SHC3: variants seen among roughly 807,000 people sequenced by gnomAD.
SHC3 encodes SHC adaptor protein 3.
Under a neutral mutation model 60.4 loss-of-function variants are expected in SHC3, and 15 were observed. The ratio of observed to expected loss-of-function variants is 0.25; its 90% CI spans 0.17 to 0.38. SHC3 has a LOEUF of 0.38. Among genes scored for constraint, SHC3 ranks in the 10% least tolerant of loss-of-function variants. SHC3 has a pLI of 1.00. For synonymous variants in SHC3, 294 were observed against 325.9 expected (o/e 0.90, Z 1.05); for missense variants, 677 against 786.1 (o/e 0.86, Z 1.66).
chr9:89,145,574 G>A (rs959535430), intron 1 of SHC3, among the ~76,000 whole-genome samples: 10 of 152,152 alleles, frequency 6.6e-5, no homozygotes, highest in African/African-American at 1.9e-4. Flanking sequence ...CGGCTGTTCC[G>A]GTGTCCATCA....
At chr9:89,085,985 C>T (rs549805451) in intron 2 of SHC3, among the ~76,000 whole-genome samples, 75 of 152,324 alleles carry the variant, frequency 4.9e-4, no homozygotes, top group Non-Finnish European at 5.0e-4. Context: ...AACAACCAAA[C>T]GTGCAGTGGG....
chr9:89,037,061 T>A (rs544519436), intron 11 of SHC3, among the ~76,000 whole-genome samples: 9 of 151,602 alleles, frequency 5.9e-5, no homozygotes, highest in Non-Finnish European at 1.2e-4. Context: ...AGCTACTGGC[T>A]GGAAGTGGGA....
At chr9:89,122,277 C>A (rs1826102807) in intron 1 of SHC3, among the ~76,000 whole-genome samples, 1 of 152,240 alleles carries the variant, frequency 6.6e-6, no homozygotes, top group Admixed American at 6.5e-5. Flanking sequence ...CAGTCAGTAA[C>A]TTTGCTACCC....
chr9:89,063,108 T>C (rs1180674009), intron 6 of SHC3, among the ~76,000 whole-genome samples: 1 of 152,220 alleles, frequency 6.6e-6, no homozygotes, highest in Non-Finnish European at 1.5e-5. Flanking sequence ...TGTGGCTTCC[T>C]TCCCCCTTGA....
intron 1 of SHC3, among the ~76,000 whole-genome samples, chr9:89,123,248 A>G (rs1281904121): frequency 6.6e-6 from 1 of 152,240 alleles, no homozygotes; most frequent in Non-Finnish European, 1.5e-5. Context: ...AATTACTTGC[A>G]CAACTTCAAA....
intron 2 of SHC3, among the ~76,000 whole-genome samples, chr9:89,099,104 T>C (rs1026208298): frequency 2.0e-5 from 3 of 152,186 alleles, no homozygotes; most frequent in Non-Finnish European, 2.9e-5. Context: ...ATGAAGAAAT[T>C]ACAAGCTATA....
At chr9:89,067,162 C>G (rs1825197636) in intron 5 of SHC3, among the ~76,000 whole-genome samples, 1 of 152,188 alleles carries the variant, frequency 6.6e-6, no homozygotes, top group African/African-American at 2.4e-5. Context: ...CTGGTCATTT[C>G]CATCAAGGAG....
intron 1 of SHC3, among the ~76,000 whole-genome samples, chr9:89,114,610 T>C (rs900029051): frequency 6.6e-6 from 1 of 152,176 alleles, no homozygotes; most frequent in Admixed American, 6.6e-5. Context: ...TGAGCATCTA[T>C]GGATTTTGGT....
chr9:89,160,336 C>G (rs1266118986), intron 1 of SHC3, among the ~76,000 whole-genome samples: 1 of 152,180 alleles, frequency 6.6e-6, no homozygotes, highest in Non-Finnish European at 1.5e-5. Context: ...CAGAATAAAT[C>G]CCACCTCCTT....
chr9:89,135,397 G>T (rs974607412), intron 1 of SHC3, among the ~76,000 whole-genome samples: 1 of 152,048 alleles, frequency 6.6e-6, no homozygotes, highest in East Asian at 1.9e-4. Flanking sequence ...CAAACCCATG[G>T]CTGGGTTTGG....
At chr9:89,111,022 G>T (rs1289948750) in intron 2 of SHC3, among the ~76,000 whole-genome samples, 3 of 152,086 alleles carry the variant, frequency 2.0e-5, no homozygotes, top group Non-Finnish European at 4.4e-5. Flanking sequence ...AGCAGGACTT[G>T]TTCTGTGCCC....
chr9:89,022,392 G>A lies in SHC3; in HGVS notation c.1657-8817C>T, dbSNP rs59145425. On this transcript the variant is annotated intron_variant, in intron 11 of 11. Transcript: ENST00000375835. The stretch of plus-strand genomic sequence containing the variant: ...CCACCGTCACCTGTGGCTTTGCGGC[G>A]GGATAGGTAGTCAAGGAAGTTTTTG... Among the ~76,000 whole-genome samples, 17 of 152,236 alleles carry A rather than the reference G, an allele frequency of 1.1e-4. No individual in the cohort carries two copies. The East Asian group carries it at 1.9e-3, about 17-fold the overall frequency.
Position 89,047,406 on chromosome 9 carries a change from C to T in SHC3, c.963-412G>A, listed in dbSNP as rs556352492. ...GAACCTCTCAAAATTCTCCCTTCTG[C>T]TATTTGAAAAAACTGTTGTGCTTCA... On this transcript the variant is annotated intron_variant, in intron 7 of 11. Coordinates refer to ENST00000375835, the MANE Select transcript of SHC3 (RefSeq NM_016848.6). Among the ~76,000 whole-genome samples, 15 of 152,226 alleles carry T rather than the reference C, an allele frequency of 9.9e-5. No individual in the cohort carries two copies. In the South Asian group the frequency reaches 1.7e-3, roughly 17 times the overall value.
intron 1 of SHC3, among the ~76,000 whole-genome samples, chr9:89,145,123 G>A (rs1826450218): frequency 6.6e-6 from 1 of 152,182 alleles, no homozygotes; most frequent in Non-Finnish European, 1.5e-5. Context: ...CAGAAGAGTT[G>A]TAAAGAATAA....
chr9:89,175,466 T>C (rs117600090), intron 1 of SHC3, among the ~76,000 whole-genome samples: 2,848 of 152,352 alleles, frequency 0.019, 46 homozygotes, highest in Non-Finnish European at 0.03. Context: ...ATGATCAAAA[T>C]TCACCAGACT....
At position 89,056,627 on chromosome 9, in the gene SHC3, C is replaced by T. The variant is rs116917260; in HGVS notation, c.836-4464G>A. ...GTTCAGTTAAAACTAGTTCACACAGCTGAGAACCCACTTTGCTTCGCCGCT... is the reference window on the plus strand; with the variant it reads ...GTTCAGTTAAAACTAGTTCACACAGTTGAGAACCCACTTTGCTTCGCCGCT... On this transcript the variant is annotated intron_variant, in intron 6 of 11. Transcript: ENST00000375835. Among the ~76,000 whole-genome samples the T allele has an allele frequency of 4.2e-4, 64 of 152,368 alleles. No individual in the cohort carries two copies. In the East Asian group the frequency reaches 0.012, roughly 28 times the overall value.
At chr9:89,139,843 G>A (rs918192781) in intron 1 of SHC3, among the ~76,000 whole-genome samples, 1 of 152,142 alleles carries the variant, frequency 6.6e-6, no homozygotes, top group African/African-American at 2.4e-5. Context: ...GCCTAGCTAG[G>A]GAGCATGGCT....
At chr9:89,053,554 C>T (rs959632434) in intron 6 of SHC3, among the ~76,000 whole-genome samples, 10 of 152,292 alleles carry the variant, frequency 6.6e-5, no homozygotes, top group African/African-American at 2.4e-4. Flanking sequence ...GGCAGGGAGA[C>T]TTCTGTGGAC....
intron 1 of SHC3, among the ~76,000 whole-genome samples, chr9:89,154,426 A>G (rs1217209138): frequency 2.0e-5 from 3 of 152,204 alleles, no homozygotes; most frequent in Non-Finnish European, 4.4e-5. Context: ...CCCAGCACAC[A>G]GGCCCTGTGA....
Sources: allele counts gnomAD v4.1 joint callset (sites outside exome capture counted in the v4.1 genomes callset), GRCh38; gene constraint gnomAD v4.1.1; transcripts MANE v1.5; gene names NCBI Gene and HGNC (gene_info 2026-07-23, HGNC 2026-07-21).